The following LRRIQ1 variants were observed in gnomAD, a reference collection of about 807,000 sequenced individuals.
The protein encoded by LRRIQ1 is leucine rich repeats and IQ motif containing 1, also known as leucine-rich repeat- and IQ domain-containing protein 1.
A neutral mutation model predicts 211.9 loss-of-function variants in LRRIQ1; 210 were observed. The ratio of observed to expected loss-of-function variants is 0.99; its 90% CI spans 0.89 to 1.11. The LOEUF (loss-of-function observed/expected upper bound fraction) is 1.11, where lower values mean the gene tolerates loss of function less well. LRRIQ1 is among the 50% of genes most tolerant of loss of function. LRRIQ1 has a pLI of 0.00. For missense variants in LRRIQ1, 2,136 were observed against 1,939.5 expected (o/e 1.10, Z -1.90); for synonymous variants, 699 against 650.1 (o/e 1.08, Z -1.14).
At chr12:85,263,761 A>C (rs1896362231) in exon 2 of LRRIQ1, 1 of 151,998 alleles carries the variant, frequency 6.6e-6, no homozygotes, top group Non-Finnish European at 1.5e-5. Context: ...TTATCATTTT[A>C]ATTTTTCATT....
In LRRIQ1 at chr12:85,072,992, G is replaced by A; in HGVS notation, c.2781G>A (p.Leu927=). 1 of 1,612,574 alleles carries A rather than the reference G, an allele frequency of 6.2e-7. No individual in the cohort carries two copies. The highest frequency in any genetic ancestry group is 2.2e-5 in the East Asian group (1 of 44,798). Residue 927 remains leucine (L), a synonymous_variant, in exon 11 of 27, where the codon CTG becomes CTA. Coordinates refer to ENST00000393217, the MANE Select transcript of LRRIQ1 (RefSeq NM_001079910.2). ...GCACCTCCACTTCTTACTTATCCCT[G>A]GCACAAGTCTGGATTCCAACTGGAT... ...HLGTSTSYLS[L]AQVWIPTGLC...
chr12:85,268,844 T>G (rs1160845040), downstream of LRRIQ1, among the ~76,000 whole-genome samples: 6 of 151,972 alleles, frequency 3.9e-5, no homozygotes, highest in Admixed American at 3.9e-4. Flanking sequence ...TTTCTTACCT[T>G]CATAAACTAT....
intron 15 of LRRIQ1, among the ~76,000 whole-genome samples, chr12:85,111,356 G>A (rs976960740): frequency 6.6e-6 from 1 of 152,058 alleles, no homozygotes; most frequent in Admixed American, 6.6e-5. Flanking sequence ...CATGTAACTG[G>A]TCATATCACC....
chr12:85,255,575 T>A (rs894823052), intron 1 of LRRIQ1, among the ~76,000 whole-genome samples: 2 of 151,780 alleles, frequency 1.3e-5, no homozygotes, highest in African/African-American at 4.8e-5. Flanking sequence ...CTATTCAACT[T>A]GAAGTAATAT....
intron 11 of LRRIQ1, among the ~76,000 whole-genome samples, chr12:85,085,207 A>T (rs1884698399): frequency 6.6e-6 from 1 of 152,108 alleles, no homozygotes; most frequent in Non-Finnish European, 1.5e-5. Context: ...TTATAAAGGG[A>T]AGAGGTTTAA....
chr12:85,169,852 C>T (rs1471590367), intron 24 of LRRIQ1, among the ~76,000 whole-genome samples: 2 of 152,084 alleles, frequency 1.3e-5, no homozygotes, highest in Admixed American at 6.6e-5. Context: ...CTTATATCCT[C>T]AGCACTTAGA....
At chr12:85,098,798 A>G (rs1322370051) in intron 12 of LRRIQ1, 69 bp from the exon 13 acceptor site, 6 of 1,210,844 alleles carry the variant, frequency 5.0e-6, no homozygotes, top group South Asian at 1.8e-5. Context: ...AAGGTTGTGT[A>G]TTTTTTAATT....
chr12:85,045,175 C>T (rs905496436), intron 4 of LRRIQ1, among the ~76,000 whole-genome samples: 5 of 151,600 alleles, frequency 3.3e-5, no homozygotes, highest in African/African-American at 9.7e-5. Flanking sequence ...CCTGCAGAGA[C>T]GTTATAGAAA....
chr12:85,066,810 T>A lies in LRRIQ1; in HGVS notation c.2607T>A (p.Asn869Lys). The A allele has an allele frequency of 6.3e-7, 1 of 1,599,560 alleles. No individual in the cohort carries two copies. Among genetic ancestry groups the A allele is most frequent in the African/African-American group, 1.3e-5 (1 of 74,410 alleles). The part of the protein sequence containing the change: ...NLENLCVVLL[N>K]KNQLTSLHGL... ...AAAATCTCTGTGTTGTTCTTCTTAA[T>A]AAAAATCAACTGACTTCTCTTCATG... The change falls in exon 10 of 27, where the codon AAT becomes AAA. Residue 869 changes from asparagine to lysine, a missense_variant. Transcript: ENST00000393217.
chr12:85,249,139 T>G (rs1333947973), downstream of LRRIQ1, among the ~76,000 whole-genome samples: 3 of 151,778 alleles, frequency 2.0e-5, no homozygotes, highest in African/African-American at 7.2e-5. Flanking sequence ...AAATATTGAT[T>G]TTTGTGATAA....
chr12:85,098,921 A>C lies in LRRIQ1; in HGVS notation c.3136A>C (p.Ser1046Arg). ...AAGAGAATTGCACTTGGATGATAAC[A>C]GCATTTCAACTGTGGAAGCATTTTC... ...LLRELHLDDN[S>R]ISTVEAFSSY... The change falls in exon 13 of 27, where the codon AGC becomes CGC. Residue 1046 changes from serine (S) to arginine (R), a missense_variant. Ser to Arg is a moderately radical substitution (Grantham distance 110). Transcript: ENST00000393217. 1 of 1,574,248 alleles carries C rather than the reference A, an allele frequency of 6.4e-7. No individual in the cohort carries two copies. Among genetic ancestry groups the C allele is most frequent in the South Asian group, 1.2e-5 (1 of 85,622 alleles).
Position 85,121,686 on chromosome 12 carries a change from G to T in LRRIQ1, c.3378-11G>T, listed in dbSNP as rs1205472386. ...GATCAGGATTATTAACTTTTTTGTT[G>T]TTTTCAATAGGGATTCTCTACTTAA... On this transcript the variant is annotated splice_polypyrimidine_tract_variant and intron_variant, in intron 15 of 26. Coordinates refer to ENST00000393217, the MANE Select transcript of LRRIQ1 (RefSeq NM_001079910.2). 1 of 1,543,544 alleles carries T rather than the reference G, an allele frequency of 6.5e-7. No homozygotes were observed. Among genetic ancestry groups the T allele is most frequent in the South Asian group, 1.3e-5 (1 of 78,826 alleles).
chr12:85,232,887 T>C, intron 26 of LRRIQ1, 131 bp downstream of exon 26: 3 of 620,200 alleles, frequency 4.8e-6, no homozygotes, highest in Non-Finnish European at 8.4e-6. Flanking sequence ...AATATCAAAA[T>C]ATCATGTGTT....
rs1565793053 is a variant in LRRIQ1, at chr12:85,056,573, C to T, written c.1780C>T (p.Gln594Ter). The T allele has an allele frequency of 6.2e-7, 1 of 1,600,280 alleles. No individual in the cohort carries two copies. Reference sequence around the variant, plus strand: ...AGTAGAAAAAGAAGAGATACAAGAACAGAATGGATTATTATATAAAGATAA... The same window carrying T: ...AGTAGAAAAAGAAGAGATACAAGAATAGAATGGATTATTATATAAAGATAA... ...QKVEKEEIQEQNGLLYKDKDT... is the reference protein window; with the variant it reads ...QKVEKEEIQE Residue 594 changes from glutamine to a stop codon, truncating the protein, a stop_gained, in exon 8 of 27, where the codon CAG (glutamine) becomes TAG (stop). Transcript: ENST00000393217. LOFTEE classifies it high-confidence loss of function.
chr12:85,067,640 C>T (rs570426358), intron 10 of LRRIQ1, among the ~76,000 whole-genome samples: 3 of 151,656 alleles, frequency 2.0e-5, no homozygotes, highest in South Asian at 4.1e-4. Flanking sequence ...CTCAGTTTCC[C>T]GAGTACTGAG....
intron 24 of LRRIQ1, among the ~76,000 whole-genome samples, chr12:85,199,643 G>C (rs1019579864): frequency 6.6e-6 from 1 of 152,108 alleles, no homozygotes; most frequent in Non-Finnish European, 1.5e-5. Flanking sequence ...GAGGCCTCAG[G>C]ATACTTATAA....
chr12:85,044,421 C>T (rs1879280056), intron 3 of LRRIQ1, among the ~76,000 whole-genome samples: 1 of 151,938 alleles, frequency 6.6e-6, no homozygotes. Flanking sequence ...GATGCCGTTG[C>T]AATATCAAGC....
At chr12:85,261,549 A>G (rs1321103222) in intron 1 of LRRIQ1, among the ~76,000 whole-genome samples, 1 of 151,468 alleles carries the variant, frequency 6.6e-6, no homozygotes, top group East Asian at 1.9e-4. Flanking sequence ...CTCAAAAAAC[A>G]TTCTATTTTT....
chr12:85,205,082 G>T (rs911699973), intron 24 of LRRIQ1, among the ~76,000 whole-genome samples: 2 of 152,026 alleles, frequency 1.3e-5, no homozygotes, highest in Non-Finnish European at 2.9e-5. Flanking sequence ...GTCTCACGAG[G>T]TCTGATGGTT....
Sources: gnomAD v4.1 joint callset for allele counts (sites outside exome capture counted in the v4.1 genomes callset) on GRCh38, gnomAD v4.1.1 for gene constraint, MANE v1.5 for transcripts, NCBI Gene and HGNC (gene_info 2026-07-23, HGNC 2026-07-21) for gene names.